The following ZNF783 variants were observed in gnomAD, a reference collection of about 807,000 sequenced individuals.
The protein encoded by ZNF783 is protein ZNF783.
ZNF783 carries 25 observed loss-of-function variants against 31.3 expected under a neutral mutation model. The ratio of observed to expected loss-of-function variants is 0.80; its 90% CI spans 0.58 to 1.11. ZNF783 has a LOEUF of 1.11. Ranked by LOEUF, ZNF783 falls within the 50% of genes most tolerant of loss-of-function variation. The pLI, the probability that ZNF783 is intolerant of heterozygous loss-of-function variation, is 0.00. For synonymous variants in ZNF783, 369 were observed against 319.1 expected (o/e 1.16, Z -1.66); for missense variants, 797 against 760.0 (o/e 1.05, Z -0.57).
chr7:149,268,860 A>G (rs1437770443), intron 4 of ZNF783, among the ~76,000 whole-genome samples: 1 of 152,218 alleles, frequency 6.6e-6, no homozygotes, highest in Non-Finnish European at 1.5e-5. Context: ...ATGGACACCC[A>G]GGTTGATTCC....
chr7:149,278,349 G>C (rs1407146351), intron 4 of ZNF783, 50 bp from the exon 5 acceptor site: 1 of 1,595,478 alleles, frequency 6.3e-7, no homozygotes, highest in Non-Finnish European at 8.5e-7. Context: ...TGGTCATCTG[G>C]GCAGGAGACC....
chr7:149,281,199 TG>T (rs977362599), intron 5 of ZNF783, among the ~76,000 whole-genome samples: 2 of 152,220 alleles, frequency 1.3e-5, no homozygotes, highest in Admixed American at 6.5e-5. Flanking sequence ...TCTGCTTCTG[TG>T]TCCCACTCCA....
At chr7:149,270,907 C>G (rs117622228) in intron 4 of ZNF783, among the ~76,000 whole-genome samples, 24 of 152,304 alleles carry the variant, frequency 1.6e-4, no homozygotes, top group Non-Finnish European at 2.6e-4. Flanking sequence ...AAAAAGAAAT[C>G]ATGAGTTTAT....
At chr7:149,275,452 A>G (rs1209312007) in intron 4 of ZNF783, among the ~76,000 whole-genome samples, 1 of 151,652 alleles carries the variant, frequency 6.6e-6, no homozygotes. Flanking sequence ...AGCTGGGACT[A>G]CAGGCACCCA....
intron 5 of ZNF783, among the ~76,000 whole-genome samples, chr7:149,279,654 T>TTTA (rs1554479776): frequency 5.5e-5 from 7 of 128,368 alleles, no homozygotes; most frequent in East Asian, 2.3e-4. Context: ...TTTTTTTTTT[T>TTTA]AATTTTTTTT....
At chr7:149,265,792 T>C (rs1378668469) in intron 1 of ZNF783, among the ~76,000 whole-genome samples, 1 of 152,200 alleles carries the variant, frequency 6.6e-6, no homozygotes. Context: ...TTTTCTTAAT[T>C]CTCTCAGTGC....
chr7:149,282,411 T>C lies in ZNF783; in HGVS notation c.*68T>C. The C allele has an allele frequency of 3.1e-6, 4 of 1,288,822 alleles. No homozygotes were observed. The highest frequency in any genetic ancestry group is 3.1e-5 in the South Asian group (2 of 63,904). The allele number at this position is 1,288,822 out of a possible 1,614,324, so 79.8% of individuals were successfully genotyped here. On this transcript the variant is annotated 3_prime_UTR_variant, in exon 6 of 6. Transcript: ENST00000434415. Reference sequence around the variant, plus strand: ...CTGTGCCTGACGCAGGTTCTTCCTTTTCCTGGGATGGAGAGAGGTTTGTTG... The same window carrying C: ...CTGTGCCTGACGCAGGTTCTTCCTTCTCCTGGGATGGAGAGAGGTTTGTTG...
At chr7:149,270,967 A>G (rs1396731225) in intron 4 of ZNF783, among the ~76,000 whole-genome samples, 1 of 152,158 alleles carries the variant, frequency 6.6e-6, no homozygotes, top group Non-Finnish European at 1.5e-5. Context: ...TTTTTTCTTG[A>G]GACGGAGCCT....
At chr7:149,276,286 C>T (rs1016280316) in intron 4 of ZNF783, 1 of 936,514 alleles carries the variant, frequency 1.1e-6, no homozygotes. Context: ...TCATCCTGCT[C>T]AGTCACCACC....
chr7:149,268,159 A>G (rs1050707223), intron 4 of ZNF783, among the ~76,000 whole-genome samples: 2 of 152,222 alleles, frequency 1.3e-5, no homozygotes, highest in Non-Finnish European at 2.9e-5. Context: ...GTTTTGCCAC[A>G]TGCGCTTCAT....
At chr7:149,271,486 AAAT>A (rs1393822318) in intron 4 of ZNF783, among the ~76,000 whole-genome samples, 1 of 152,228 alleles carries the variant, frequency 6.6e-6, no homozygotes, top group Non-Finnish European at 1.5e-5. Flanking sequence ...CTTATGGGCA[AAAT>A]AATGCCTTTT....
At chr7:149,272,057 G>T (rs1797221403) in intron 4 of ZNF783, among the ~76,000 whole-genome samples, 1 of 152,052 alleles carries the variant, frequency 6.6e-6, no homozygotes, top group South Asian at 2.1e-4. Flanking sequence ...TCACTCTGTT[G>T]CCCAGGCTGG....
At chr7:149,281,411 C>A in intron 5 of ZNF783, 94 bp from the exon 6 acceptor site, 1 of 1,160,684 alleles carries the variant, frequency 8.6e-7, no homozygotes, top group Non-Finnish European at 1.1e-6. Context: ...GGAGATAGGG[C>A]CCGGGCTGAG....
chr7:149,266,199 C>T, intron 1 of ZNF783, 136 bp from the exon 2 acceptor site: 2 of 1,028,834 alleles, frequency 1.9e-6, no homozygotes, highest in Non-Finnish European at 2.7e-6. Context: ...CTCCCTCTCC[C>T]CCCCAGTCTG....
rs767398607 is a variant in ZNF783, at chr7:149,282,285, C to T, written c.1583C>T (p.Ala528Val). The change falls in exon 6 of 6, where the codon GCC (alanine) becomes GTC (valine). Residue 528 changes from alanine to valine, a missense_variant. Transcript: ENST00000434415. ...CAGGTGGGCCCACACTTCCCTGCCG[C>T]CCCCGCCCGCCACGGGAGCCTGCCC... ...RGQVGPHFPA[A>V]PARHGSLPLP... The T allele has an allele frequency of 1.1e-5, 18 of 1,570,624 alleles. No individual in the cohort carries two copies. The highest frequency in any genetic ancestry group is 5.4e-5 in the African/African-American group (4 of 74,232).
At chr7:149,266,060 G>A (rs918444790) in intron 1 of ZNF783, among the ~76,000 whole-genome samples, 1 of 152,204 alleles carries the variant, frequency 6.6e-6, no homozygotes, top group African/African-American at 2.4e-5. Context: ...GGCATGCCCC[G>A]TCTCCATAGC....
chr7:149,263,324 A>ATTTTTT (rs1210367064), intron 1 of ZNF783, among the ~76,000 whole-genome samples: 4 of 108,292 alleles, frequency 3.7e-5, no homozygotes, highest in African/African-American at 1.4e-4. Context: ...ATATATATAT[A>ATTTTTT]TTTTTTTTTT....
intron 1 of ZNF783, among the ~76,000 whole-genome samples, chr7:149,263,308 A>ATATG (rs1304796907): frequency 1.6e-5 from 1 of 62,918 alleles, no homozygotes; most frequent in Non-Finnish European, 3.0e-5. Context: ...GTGTGTGTAT[A>ATATG]TATATATATA....
In ZNF783 at chr7:149,266,867, T is replaced by G. The variant is rs1797086194; in HGVS notation, c.469T>G (p.Trp157Gly). The change falls in exon 3 of 6, where the codon TGG becomes GGG. Residue 157 changes from tryptophan (W) to glycine (G), a missense_variant. By Grantham distance (184) the Trp-to-Gly change is radical. Coordinates refer to ENST00000434415, the MANE Select transcript of ZNF783 (RefSeq NM_001195220.2). ...GGCCGTGTATTTCTCTGAGCTGGAG[T>G]GGGGCAAGCTGGAGGACTGGCAGAA... is the stretch of plus-strand genomic sequence containing the variant. Reference protein sequence around the residue: ...DVAVYFSELEWGKLEDWQKEL... With the variant: ...DVAVYFSELEGGKLEDWQKEL... The G allele has an allele frequency of 3.1e-6, 5 of 1,613,126 alleles. No homozygotes were observed. The highest frequency in any genetic ancestry group is 4.2e-6 in the Non-Finnish European group (5 of 1,179,830).
Sources: gnomAD v4.1 joint callset for allele counts (sites outside exome capture counted in the v4.1 genomes callset) on GRCh38, gnomAD v4.1.1 for gene constraint, MANE v1.5 for transcripts, NCBI Gene and HGNC (gene_info 2026-07-23, HGNC 2026-07-21) for gene names.